FILIP1L: variants seen among roughly 807,000 people sequenced by gnomAD.
The protein encoded by FILIP1L is filamin A-interacting protein 1-like.
FILIP1L carries 55 observed loss-of-function variants against 96.6 expected under a neutral mutation model. That is an observed-to-expected ratio of 0.57 (90% CI 0.46 to 0.71). The LOEUF is 0.71. Ranked by LOEUF, FILIP1L falls within the 30% of genes least tolerant of loss-of-function variation. FILIP1L has a pLI of 0.00. For missense variants in FILIP1L, 1,304 were observed against 1,321.2 expected, an observed-to-expected ratio of 0.99 and a Z score of 0.20; for synonymous variants, 467 against 473.9, an observed-to-expected ratio of 0.99 and a Z score of 0.19.
chr3:99,937,030 A>G (rs1430319853), intron 1 of FILIP1L, among the ~76,000 whole-genome samples: 2 of 151,836 alleles, frequency 1.3e-5, no homozygotes, highest in Admixed American at 1.3e-4. Context: ...CTCTGCCTCC[A>G]GAGTTCAAGC....
chr3:100,113,232 G>A (rs560892051), intron 1 of FILIP1L, among the ~76,000 whole-genome samples: 15 of 152,248 alleles, frequency 9.9e-5, no homozygotes, highest in East Asian at 5.8e-4. Flanking sequence ...TCAGTGGAGC[G>A]CCTATATACA....
At chr3:100,046,253 T>C (rs1028055674) in intron 1 of FILIP1L, among the ~76,000 whole-genome samples, 16 of 152,170 alleles carry the variant, frequency 1.1e-4, no homozygotes, top group African/African-American at 3.6e-4. Context: ...TCCAGTAACT[T>C]CTTTAGAGTT....
At chr3:100,015,260 T>G (rs1710308239) in intron 1 of FILIP1L, among the ~76,000 whole-genome samples, 1 of 152,192 alleles carries the variant, frequency 6.6e-6, no homozygotes, top group Admixed American at 6.5e-5. Flanking sequence ...ATATGTTTGT[T>G]TTCATGACAG....
chr3:99,920,150 C>G (rs1707080069), intron 4 of FILIP1L, among the ~76,000 whole-genome samples: 1 of 152,144 alleles, frequency 6.6e-6, no homozygotes, highest in African/African-American at 2.4e-5. Context: ...TATTTCTTTC[C>G]TGCTTTAGTT....
At chr3:100,021,956 T>TGA (rs1271947896) in intron 1 of FILIP1L, among the ~76,000 whole-genome samples, 67 of 94,592 alleles carry the variant, frequency 7.1e-4, no homozygotes, top group Non-Finnish European at 1.1e-3. Flanking sequence ...TGTGTGTGTG[T>TGA]GTGTGAGAGA....
intron 4 of FILIP1L, 151 bp from the exon 5 acceptor site, chr3:99,851,221 C>G: frequency 1.7e-6 from 1 of 597,238 alleles, no homozygotes; most frequent in Non-Finnish European, 2.7e-6. Context: ...AATTTGATGA[C>G]AGAGGAAAAT....
chr3:99,934,650 G>A (rs1052653131), intron 1 of FILIP1L, among the ~76,000 whole-genome samples: 1 of 152,118 alleles, frequency 6.6e-6, no homozygotes, highest in African/African-American at 2.4e-5. Flanking sequence ...TTCATAAGTA[G>A]TGCCCTTTTA....
chr3:99,969,348 TA>T (rs1197457364), intron 1 of FILIP1L, among the ~76,000 whole-genome samples: 1 of 152,176 alleles, frequency 6.6e-6, no homozygotes, highest in African/African-American at 2.4e-5. Context: ...CTTAGTAAAA[TA>T]AGAGCAAGCT....
chr3:100,090,201 A>AC (rs1296792391), intron 1 of FILIP1L, among the ~76,000 whole-genome samples: 48 of 152,314 alleles, frequency 3.2e-4, no homozygotes, highest in African/African-American at 1.0e-3. Flanking sequence ...GGCCCCAGGC[A>AC]CCTTTGTCCA....
intron 1 of FILIP1L, among the ~76,000 whole-genome samples, chr3:99,932,486 T>C (rs1449761264): frequency 1.3e-5 from 2 of 152,118 alleles, no homozygotes; most frequent in Non-Finnish European, 2.9e-5. Context: ...TTTTGAATAT[T>C]TTTTTTTCAG....
chr3:100,056,538 A>G (rs905345837), intron 1 of FILIP1L, among the ~76,000 whole-genome samples: 10 of 152,214 alleles, frequency 6.6e-5, no homozygotes, highest in Admixed American at 1.3e-4. Context: ...TTTAGCCTCC[A>G]GGTCAGAAAT....
At chr3:99,884,127 A>T (rs1326424470) in intron 4 of FILIP1L, among the ~76,000 whole-genome samples, 1 of 152,198 alleles carries the variant, frequency 6.6e-6, no homozygotes, top group African/African-American at 2.4e-5. Flanking sequence ...ACTAAGACCC[A>T]GGCTGTGCAG....
intron 4 of FILIP1L, among the ~76,000 whole-genome samples, chr3:99,880,296 A>C (rs979046176): frequency 6.6e-6 from 1 of 152,194 alleles, no homozygotes; most frequent in African/African-American, 2.4e-5. Context: ...AGATACCCAC[A>C]TGAAATATAC....
intron 1 of FILIP1L, among the ~76,000 whole-genome samples, chr3:99,978,608 G>A (rs150500793): frequency 0.011 from 1,728 of 152,300 alleles, 18 homozygotes; most frequent in African/African-American, 0.025. Context: ...GAAGTAGGGA[G>A]TAGAGGCTGG....
chr3:99,924,494 T>G, intron 3 of FILIP1L, 86 bp from the exon 4 acceptor site: 2 of 1,347,346 alleles, frequency 1.5e-6, no homozygotes, highest in South Asian at 2.6e-5. Context: ...CTGTTTTGAT[T>G]AATTCGGCAG....
intron 1 of FILIP1L, among the ~76,000 whole-genome samples, chr3:100,077,362 T>C (rs2065866287): frequency 6.6e-6 from 1 of 152,214 alleles, no homozygotes; most frequent in Non-Finnish European, 1.5e-5. Context: ...GCAAGTATGT[T>C]TGTACTTCAC....
chr3:99,931,892 A>G (rs1488103499), intron 1 of FILIP1L, among the ~76,000 whole-genome samples: 1 of 152,330 alleles, frequency 6.6e-6, no homozygotes, highest in African/African-American at 2.4e-5. Flanking sequence ...ATATCAGTTG[A>G]ACTTATAATT....
intron 1 of FILIP1L, among the ~76,000 whole-genome samples, chr3:99,956,256 C>G (rs1439681993): frequency 6.6e-6 from 1 of 152,158 alleles, no homozygotes; most frequent in African/African-American, 2.4e-5. Context: ...GCTTTCCTTC[C>G]TCTGCCCCCA....
intron 1 of FILIP1L, among the ~76,000 whole-genome samples, chr3:100,090,911 T>C (rs1166630206): frequency 6.6e-6 from 1 of 152,140 alleles, no homozygotes; most frequent in Non-Finnish European, 1.5e-5. Context: ...TTGAAATGAG[T>C]GCAGAGGTTA....
Sources: gnomAD v4.1 joint callset for allele counts (sites outside exome capture counted in the v4.1 genomes callset) on GRCh38, gnomAD v4.1.1 for gene constraint, MANE v1.5 for transcripts, NCBI Gene and HGNC (gene_info 2026-07-23, HGNC 2026-07-21) for gene names.